Variants in SLC39A11 observed in about 807,000 individuals in gnomAD.
SLC39A11 encodes solute carrier family 39 member 11.
SLC39A11 carries 33 observed loss-of-function variants against 36.1 expected under a neutral mutation model. That is an observed-to-expected ratio of 0.91 (90% CI 0.69 to 1.22). The LOEUF (loss-of-function observed/expected upper bound fraction) is 1.22. SLC39A11 is among the 50% of genes most tolerant of loss of function. The pLI, the probability that SLC39A11 is intolerant of heterozygous loss-of-function variation, is 0.00. For synonymous variants in SLC39A11, 166 were observed against 170.3 expected, an observed-to-expected ratio of 0.97 and a Z score of 0.20; for missense variants, 432 against 430.3, an observed-to-expected ratio of 1.00 and a Z score of -0.03.
chr17:72,875,760 C>A (rs374358804), intron 5 of SLC39A11, among the ~76,000 whole-genome samples: 24 of 152,306 alleles, frequency 1.6e-4, no homozygotes, highest in African/African-American at 5.1e-4. Flanking sequence ...CTGTGTCAGA[C>A]CCTCCTTCTG....
intron 6 of SLC39A11, among the ~76,000 whole-genome samples, chr17:72,741,286 G>A (rs1163448282): frequency 6.6e-6 from 1 of 152,108 alleles, no homozygotes; most frequent in Non-Finnish European, 1.5e-5. Flanking sequence ...TGAACTCCTA[G>A]CCTCAAGCGA....
intron 5 of SLC39A11, among the ~76,000 whole-genome samples, chr17:72,867,460 A>G (rs761127259): frequency 2.0e-5 from 3 of 152,188 alleles, no homozygotes; most frequent in Admixed American, 6.5e-5. Context: ...AGATCGCGCC[A>G]CTGTACTCCA....
chr17:72,824,493 A>C (rs929746850), intron 6 of SLC39A11, among the ~76,000 whole-genome samples: 2 of 151,408 alleles, frequency 1.3e-5, no homozygotes, highest in African/African-American at 4.8e-5. Context: ...ATTACTATAA[A>C]GATACCTGAA....
chr17:72,838,882 C>A (rs183663618), intron 6 of SLC39A11, among the ~76,000 whole-genome samples: 1 of 152,320 alleles, frequency 6.6e-6, no homozygotes, highest in Non-Finnish European at 1.5e-5. Flanking sequence ...GCAGTGGAGG[C>A]AGGCAGGGGA....
chr17:72,649,920 A>C (rs1419192870), intron 7 of SLC39A11, among the ~76,000 whole-genome samples: 1 of 152,224 alleles, frequency 6.6e-6, no homozygotes, highest in Non-Finnish European at 1.5e-5. Flanking sequence ...TATACAATTT[A>C]GGGACAACAA....
At chr17:72,740,294 T>C (rs1178138147) in intron 6 of SLC39A11, among the ~76,000 whole-genome samples, 1 of 152,052 alleles carries the variant, frequency 6.6e-6, no homozygotes, top group Non-Finnish European at 1.5e-5. Flanking sequence ...CTTGATCTCC[T>C]GACCTCGTGA....
intron 6 of SLC39A11, among the ~76,000 whole-genome samples, chr17:72,840,511 C>A (rs1371561147): frequency 4.6e-5 from 7 of 152,212 alleles, no homozygotes; most frequent in Non-Finnish European, 2.9e-5. Context: ...GTAATCCCAG[C>A]ACTCTGGGAA....
intron 6 of SLC39A11, among the ~76,000 whole-genome samples, chr17:72,763,272 A>C (rs1038871553): frequency 6.6e-6 from 1 of 152,214 alleles, no homozygotes; most frequent in African/African-American, 2.4e-5. Flanking sequence ...AAAGAGTTCC[A>C]CAGTTAAATA....
intron 7 of SLC39A11, among the ~76,000 whole-genome samples, chr17:72,708,049 TC>T (rs1359802843): frequency 1.3e-5 from 2 of 152,220 alleles, no homozygotes; most frequent in Non-Finnish European, 2.9e-5. Flanking sequence ...ACTGCTCCAC[TC>T]CAGTTCCGAG....
chr17:72,657,456 T>G (rs1055869185), intron 7 of SLC39A11, among the ~76,000 whole-genome samples: 2 of 152,148 alleles, frequency 1.3e-5, no homozygotes, highest in Non-Finnish European at 2.9e-5. Flanking sequence ...GAAGGAAGAC[T>G]ACAGAAGATC....
In SLC39A11 at chr17:73,076,157, G is replaced by A. The variant is rs1334812537; in HGVS notation, c.147+8651C>T. On this transcript the variant is annotated intron_variant, in intron 3 of 9. Coordinates refer to ENST00000255559, the MANE Select transcript of SLC39A11 (RefSeq NM_139177.4). ...ACTCTCCTATTAAGTTCATGCCTCA[G>A]GCAAAAAAAAAAAAAGTCAAGGCTA... Among the ~76,000 whole-genome samples the A allele has an allele frequency of 1.5e-4, 22 of 145,048 alleles. No individual in the cohort carries two copies. In the East Asian group the frequency reaches 3.8e-3, roughly 25 times the overall value.
At position 72,828,912 on chromosome 17, in the gene SLC39A11, G is replaced by A. The variant is rs538977073; in HGVS notation, c.601+20722C>T. On this transcript the variant is annotated intron_variant, in intron 6 of 9. Coordinates refer to ENST00000255559, the MANE Select transcript of SLC39A11 (RefSeq NM_139177.4). ...AAGCATCGGAGAGTAGTGACTGGGGGTTGTGTGTGGGGAGATTAAAGACAT... is the reference window on the plus strand; with the variant it reads ...AAGCATCGGAGAGTAGTGACTGGGGATTGTGTGTGGGGAGATTAAAGACAT... 3.3e-5 allele frequency among the ~76,000 whole-genome samples: 5 copies of A among 152,322 alleles called. No individual in the cohort carries two copies. The East Asian group carries it at 7.7e-4, about 24-fold the overall frequency.
At chr17:73,026,533 AAG>A (rs1491254615) in intron 4 of SLC39A11, among the ~76,000 whole-genome samples, 24 of 150,606 alleles carry the variant, frequency 1.6e-4, no homozygotes, top group African/African-American at 5.6e-4. Context: ...AAAAAAAAAA[AAG>A]AAAGAAAGAA....
chr17:72,744,178 G>A (rs1309792150), intron 6 of SLC39A11, among the ~76,000 whole-genome samples: 2 of 152,188 alleles, frequency 1.3e-5, no homozygotes, highest in African/African-American at 4.8e-5. Flanking sequence ...AAAATGAAAG[G>A]GGGATAACAC....
At chr17:72,751,639 A>T (rs533142377) in intron 6 of SLC39A11, among the ~76,000 whole-genome samples, 167 of 151,952 alleles carry the variant, frequency 1.1e-3, no homozygotes, top group African/African-American at 3.9e-3. Context: ...GTGCAATGGC[A>T]TGATCTCAGC....
In SLC39A11 at chr17:72,847,607, T is replaced by G. The variant is rs147189163; in HGVS notation, c.601+2027A>C. Among the ~76,000 whole-genome samples, 479 of 152,306 alleles carry G rather than the reference T, an allele frequency of 3.1e-3. 2 individuals carry two copies. The highest frequency in any genetic ancestry group is 4.7e-3 in the Non-Finnish European group (320 of 68,020). On this transcript the variant is annotated intron_variant, in intron 6 of 9. Transcript: ENST00000255559. ...TGTGCTTCTTATCTAGAGAAATATC[T>G]GAGCTTAAAAAGTAATTAAACACAT...
intron 5 of SLC39A11, among the ~76,000 whole-genome samples, chr17:72,866,096 G>T (rs571832948): frequency 1.2e-4 from 18 of 152,134 alleles, no homozygotes; most frequent in Admixed American, 3.3e-4. Flanking sequence ...GGGGGTGAGC[G>T]GCAGGCAAGC....
At chr17:73,009,548 G>A (rs1028474158) in intron 4 of SLC39A11, among the ~76,000 whole-genome samples, 1 of 152,118 alleles carries the variant, frequency 6.6e-6, no homozygotes, top group Non-Finnish European at 1.5e-5. Flanking sequence ...AGGCGGTGGA[G>A]AGTAAGCGAA....
At chr17:72,930,002 C>T (rs1337194092) in intron 5 of SLC39A11, among the ~76,000 whole-genome samples, 2 of 152,200 alleles carry the variant, frequency 1.3e-5, no homozygotes, top group South Asian at 4.1e-4. Context: ...GCATGGAAAA[C>T]AGAACTTCTG....
Sources: allele counts gnomAD v4.1 joint callset (sites outside exome capture counted in the v4.1 genomes callset), GRCh38; gene constraint gnomAD v4.1.1; transcripts MANE v1.5; gene names NCBI Gene and HGNC (gene_info 2026-07-23, HGNC 2026-07-21).